Variants in EIF4G3 observed in about 807,000 individuals in gnomAD.
The protein encoded by EIF4G3 is eIF-4-gamma 3.
A neutral mutation model predicts 186.4 loss-of-function variants in EIF4G3; 34 were observed. The ratio of observed to expected loss-of-function variants is 0.18; its 90% CI spans 0.14 to 0.24. The LOEUF (loss-of-function observed/expected upper bound fraction) is 0.24. Ranked by LOEUF, EIF4G3 falls within the 10% of genes least tolerant of loss-of-function variation. EIF4G3 has a pLI of 1.00. For missense variants in EIF4G3, 1,536 were observed against 1,948.5 expected (o/e 0.79, Z 3.99); for synonymous variants, 673 against 679.5 (o/e 0.99, Z 0.15).
chr1:21,040,772 A>G lies in EIF4G3; in HGVS notation c.-67+10094T>C, dbSNP rs564982898. Among the ~76,000 whole-genome samples, 18 of 152,194 alleles carry G rather than the reference A, an allele frequency of 1.2e-4. No individual in the cohort carries two copies. The East Asian group carries it at 2.1e-3, about 18-fold the overall frequency. Reference sequence around the variant, plus strand: ...TTTAAATCTGAGTCCCTGTGGATGAACCCTAACTCAGCTTAAAAGGCAGAC... The same window carrying G: ...TTTAAATCTGAGTCCCTGTGGATGAGCCCTAACTCAGCTTAAAAGGCAGAC... On this transcript the variant is annotated intron_variant, in intron 4 of 36. Coordinates refer to ENST00000602326, the MANE Select transcript of EIF4G3 (RefSeq NM_001391906.1).
At chr1:21,117,350 A>G (rs1012714939) in intron 2 of EIF4G3, among the ~76,000 whole-genome samples, 12 of 152,216 alleles carry the variant, frequency 7.9e-5, no homozygotes, top group African/African-American at 2.9e-4. Flanking sequence ...GGTCACACAC[A>G]AAAAAATAAT....
chr1:20,853,975 A>G (rs1024364292), intron 26 of EIF4G3, among the ~76,000 whole-genome samples: 5 of 152,222 alleles, frequency 3.3e-5, no homozygotes, highest in African/African-American at 1.2e-4. Flanking sequence ...CAAAACTTTA[A>G]CAAAGCTAAC....
intron 3 of EIF4G3, among the ~76,000 whole-genome samples, chr1:21,082,264 C>T (rs1227581782): frequency 1.3e-5 from 2 of 151,152 alleles, no homozygotes; most frequent in Non-Finnish European, 2.9e-5. Flanking sequence ...ATGAAAGTGA[C>T]ATATGGACAC....
chr1:21,018,716 G>T (rs1172749624), intron 4 of EIF4G3, among the ~76,000 whole-genome samples: 1 of 152,112 alleles, frequency 6.6e-6, no homozygotes, highest in Non-Finnish European at 1.5e-5. Context: ...TGCCATCCTT[G>T]CTGGAGTGAG....
chr1:20,869,348 A>G (rs1472579716), intron 20 of EIF4G3, among the ~76,000 whole-genome samples: 2 of 107,084 alleles, frequency 1.9e-5, no homozygotes, highest in Non-Finnish European at 3.5e-5. Flanking sequence ...GTGTCTCCCT[A>G]TGTTGCCAAG....
chr1:21,019,170 G>A (rs2090044608), intron 4 of EIF4G3, among the ~76,000 whole-genome samples: 1 of 152,062 alleles, frequency 6.6e-6, no homozygotes, highest in Non-Finnish European at 1.5e-5. Flanking sequence ...CTAGAGGCAC[G>A]AGTCACCACA....
chr1:21,079,830 A>G (rs2095709284), intron 3 of EIF4G3, among the ~76,000 whole-genome samples: 1 of 151,544 alleles, frequency 6.6e-6, no homozygotes, highest in Admixed American at 6.6e-5. Context: ...ACACAACAAG[A>G]TCTCATCTCT....
chr1:20,981,652 CATACATGTATACGCACATACTGTATGTAT>C (rs1558552264), intron 8 of EIF4G3, among the ~76,000 whole-genome samples: 3 of 126,838 alleles, frequency 2.4e-5, no homozygotes, highest in Non-Finnish European at 5.1e-5. Context: ...TGTATGTATA[CATACATGTATACGCACATACTGTATGTAT>C]ACATACATGT....
At position 21,024,700 on chromosome 1, in the gene EIF4G3, G is replaced by C. The variant is rs868408543; in HGVS notation, c.-66-21892C>G. 3.9e-4 allele frequency among the ~76,000 whole-genome samples: 58 copies of C among 150,144 alleles called. 1 individual carries two copies. In the South Asian group the frequency reaches 8.4e-3, roughly 22 times the overall value. On this transcript the variant is annotated intron_variant, in intron 4 of 36. Transcript: ENST00000602326. ...ACAGATGCCTGAAGGCAGCATGCTC[G>C]TTAAGAGTCATCACCAATCCCTAAT... is the stretch of plus-strand genomic sequence containing the variant.
intron 15 of EIF4G3, among the ~76,000 whole-genome samples, chr1:20,903,051 G>A (rs1447179227): frequency 1.3e-5 from 2 of 152,236 alleles, no homozygotes; most frequent in Admixed American, 6.5e-5. Context: ...ACTCTGGCCC[G>A]AGGGCCAATT....
At position 20,817,374 on chromosome 1, in the gene EIF4G3, G is replaced by A. The variant is rs2061347853; in HGVS notation, c.4515+18C>T. On this transcript the variant is annotated intron_variant, in intron 34 of 36. Transcript: ENST00000602326. ...CTTTCCTGTAGAGGTATCAGGGAAG[G>A]TGACATAGTCTTTATACCTCTACCC... The A allele has an allele frequency of 2.0e-6, 3 of 1,495,972 alleles. No individual in the cohort carries two copies. Among genetic ancestry groups the A allele is most frequent in the African/African-American group, 2.8e-5 (2 of 72,198 alleles). The allele number at this position is 1,495,972 out of a possible 1,614,324, so 92.7% of individuals were successfully genotyped here.
chr1:20,879,307 C>T lies in EIF4G3; in HGVS notation c.2622+16G>A, dbSNP rs925614954. 1.9e-6 allele frequency: 3 copies of T among 1,557,028 alleles called. No homozygotes were observed. The highest frequency in any genetic ancestry group is 1.4e-5 in the African/African-American group (1 of 72,710). On this transcript the variant is annotated intron_variant, in intron 20 of 36. Transcript: ENST00000602326. Reference sequence around the variant, plus strand: ...CTCTTGAAGATTTCTCGTTTTACTCCTTCCTCTCTTCTTACCGTTACTAGA... The same window carrying T: ...CTCTTGAAGATTTCTCGTTTTACTCTTTCCTCTCTTCTTACCGTTACTAGA...
Position 20,807,213 on chromosome 1 carries a change from G to A in EIF4G3, c.*106C>T, listed in dbSNP as rs1570731149. The A allele has an allele frequency of 3.8e-6, 4 of 1,042,150 alleles. No individual in the cohort carries two copies. Among genetic ancestry groups the A allele is most frequent in the Non-Finnish European group, 5.5e-6 (4 of 729,912 alleles). The allele number at this position is 1,042,150 out of a possible 1,614,324, so 64.6% of individuals were successfully genotyped here. A position where few individuals can be genotyped will look rare whatever the true frequency, so the allele number is the denominator to read the frequency against. Reference sequence around the variant, plus strand: ...CTCTCCCACTCGTGCACACGTGGGGGTTTCTGCGAGAATTGGCCTTGCTGC... The same window carrying A: ...CTCTCCCACTCGTGCACACGTGGGGATTTCTGCGAGAATTGGCCTTGCTGC... On this transcript the variant is annotated 3_prime_UTR_variant, in exon 37 of 37. Coordinates refer to ENST00000602326, the MANE Select transcript of EIF4G3 (RefSeq NM_001391906.1).
At chr1:20,989,066 G>A (rs796709072) in intron 7 of EIF4G3, among the ~76,000 whole-genome samples, 11 of 53,838 alleles carry the variant, frequency 2.0e-4, no homozygotes, top group African/African-American at 3.8e-4. Flanking sequence ...AGGAGGGGAG[G>A]GGAGGGGAGG....
At chr1:20,842,555 C>T (rs1235236924) in intron 29 of EIF4G3, among the ~76,000 whole-genome samples, 2 of 152,056 alleles carry the variant, frequency 1.3e-5, no homozygotes, top group Admixed American at 1.3e-4. Context: ...TTAGTAGAGA[C>T]AAGGTTTCTT....
chr1:21,128,505 A>G (rs1313382099), intron 2 of EIF4G3, among the ~76,000 whole-genome samples: 2 of 151,932 alleles, frequency 1.3e-5, no homozygotes, highest in African/African-American at 2.4e-5. Flanking sequence ...GCAAAACTCC[A>G]TCTCAAAAAC....
chr1:21,009,669 T>TGG (rs71585802), intron 4 of EIF4G3, among the ~76,000 whole-genome samples: 1 of 144,168 alleles, frequency 6.9e-6, no homozygotes, highest in Non-Finnish European at 1.5e-5. Context: ...GGGGGGGTAG[T>TGG]GGGGGGACGG....
At chr1:21,024,761 C>T (rs574935488) in intron 4 of EIF4G3, among the ~76,000 whole-genome samples, 5 of 148,902 alleles carry the variant, frequency 3.4e-5, no homozygotes, top group Admixed American at 3.4e-4. Flanking sequence ...TGCAGAAGGC[C>T]GCAGGGTCCT....
chr1:21,086,821 T>C (rs2095996674), intron 3 of EIF4G3, among the ~76,000 whole-genome samples: 1 of 151,328 alleles, frequency 6.6e-6, no homozygotes, highest in Admixed American at 6.6e-5. Context: ...GCACCTGTAA[T>C]CCCAGCTACT....
Sources: gnomAD v4.1 joint callset for allele counts (sites outside exome capture counted in the v4.1 genomes callset) on GRCh38, gnomAD v4.1.1 for gene constraint, MANE v1.5 for transcripts, NCBI Gene and HGNC (gene_info 2026-07-23, HGNC 2026-07-21) for gene names.